The following JADE3 variants were observed in gnomAD, a reference collection of about 807,000 sequenced individuals.
The protein encoded by JADE3 is jade family PHD finger 3.
A neutral mutation model predicts 50.1 loss-of-function variants in JADE3; 2 were observed. The observed-to-expected ratio is 0.04, with a 90% CI of 0.02 to 0.13. The LOEUF is 0.13. JADE3 is among the 10% of genes least tolerant of loss of function. JADE3 has a pLI of 1.00. For synonymous variants in JADE3, 218 were observed against 232.9 expected (o/e 0.94, Z 0.58); for missense variants, 475 against 634.4 (o/e 0.75, Z 2.70).
intron 4 of JADE3, among the ~76,000 whole-genome samples, chrX:47,002,999 T>C (rs982955936): frequency 8.9e-6 from 1 of 111,919 alleles, no homozygotes; most frequent in Non-Finnish European, 1.9e-5. Context: ...GTGGTAGTTT[T>C]TTTCATAAAT....
In JADE3 at chrX:46,912,633, G is replaced by C. The variant is rs1925986359; in HGVS notation, c.-98G>C. ...GAGAAGAAAGCGAGCGGTTAGGGGG[G>C]CGGTTACCACTCCGACCGGACTCAC... On this transcript the variant is annotated 5_prime_UTR_variant, in exon 1 of 11. Coordinates refer to ENST00000614628, the MANE Select transcript of JADE3 (RefSeq NM_014735.5). The C allele has an allele frequency of 9.1e-6, 1 of 110,258 alleles. No individual in the cohort carries two copies. The highest frequency in any genetic ancestry group is 3.7e-4 in the South Asian group (1 of 2,710). 9.1% of individuals were successfully genotyped at this position (110,258 alleles called of 1,213,427 possible). A position where few individuals can be genotyped will look rare whatever the true frequency, so the allele number is the denominator to read the frequency against.
At chrX:46,999,764 C>A (rs188916643) in intron 4 of JADE3, among the ~76,000 whole-genome samples, 2 of 110,217 alleles carry the variant, frequency 1.8e-5, no homozygotes, top group South Asian at 7.6e-4. Context: ...TAAAGAGTAG[C>A]GACTGGTTTT....
intron 1 of JADE3, among the ~76,000 whole-genome samples, chrX:46,920,839 A>G (rs1280176530): frequency 8.9e-6 from 1 of 112,357 alleles, no homozygotes; most frequent in African/African-American, 3.2e-5. Context: ...TTTCTCCATT[A>G]ACACACAGTC....
At chrX:47,031,569 G>A (rs955946063) in intron 6 of JADE3, among the ~76,000 whole-genome samples, 2 of 111,726 alleles carry the variant, frequency 1.8e-5, no homozygotes, top group South Asian at 3.8e-4. Flanking sequence ...AACAGCAAAT[G>A]TAGAGAAAAA....
In JADE3 at chrX:47,027,941, G is replaced by A; in HGVS notation, c.525G>A (p.Leu175=). Residue 175 remains leucine, a synonymous_variant, in exon 6 of 11, where the codon CTG becomes CTA. Coordinates refer to ENST00000614628, the MANE Select transcript of JADE3 (RefSeq NM_014735.5). ...TTATGGAAAAGACAGTAGAAGTCCT[G>A]GAACGCCATTGCCATGAAAATATGA... is the stretch of plus-strand genomic sequence containing the variant. ...ENLMEKTVEV[L]ERHCHENMNH... is the part of the protein sequence containing the mutation. 8.3e-7 allele frequency: 1 copy of A among 1,210,665 alleles called. No individual in the cohort carries two copies. Among genetic ancestry groups the A allele is most frequent in the Non-Finnish European group, 1.1e-6 (1 of 894,754 alleles).
rs1556374629 is a variant in JADE3 at position 47,059,664 on chromosome X, T to C, written c.*587T>C. ...ACTGAGTCAATACTCCTCATGCTTATCAGTGTCCAGTGCCTGTTCCTAAAC... is the reference window on the plus strand; with the variant it reads ...ACTGAGTCAATACTCCTCATGCTTACCAGTGTCCAGTGCCTGTTCCTAAAC... On this transcript the variant is annotated 3_prime_UTR_variant, in exon 11 of 11. Coordinates refer to ENST00000614628, the MANE Select transcript of JADE3 (RefSeq NM_014735.5). 1.8e-5 allele frequency: 2 copies of C among 112,370 alleles called. No homozygotes were observed. Among genetic ancestry groups the C allele is most frequent in the Non-Finnish European group, 3.8e-5 (2 of 53,332 alleles). 9.3% of individuals were successfully genotyped at this position (112,370 alleles called of 1,213,427 possible). A position where few individuals can be genotyped will look rare whatever the true frequency, so the allele number is the denominator to read the frequency against.
chrX:47,025,967 A>G (rs1928900110), intron 5 of JADE3, among the ~76,000 whole-genome samples: 1 of 110,967 alleles, frequency 9.0e-6, no homozygotes, highest in Non-Finnish European at 1.9e-5. Flanking sequence ...TTGGCATGGG[A>G]ATGATAGTTA....
At chrX:47,031,363 A>AGTC (rs2146978760) in intron 6 of JADE3, among the ~76,000 whole-genome samples, 1 of 111,525 alleles carries the variant, frequency 9.0e-6, no homozygotes, top group Non-Finnish European at 1.9e-5. Context: ...GCCTACCTAG[A>AGTC]GTCCAGCTTC....
At chrX:46,982,938 C>T (rs1723288901) in intron 1 of JADE3, among the ~76,000 whole-genome samples, 2 of 111,658 alleles carry the variant, frequency 1.8e-5, no homozygotes, top group Non-Finnish European at 3.8e-5. Flanking sequence ...AAGCAGTTCT[C>T]CTGACTCAGC....
Position 47,056,135 on chromosome X carries a change from C to A in JADE3, c.1497C>A (p.His499Gln). The A allele has an allele frequency of 8.3e-7, 1 of 1,208,022 alleles. No homozygotes were observed. The highest frequency in any genetic ancestry group is 1.1e-6 in the Non-Finnish European group (1 of 892,567). ...ISRREKLKLS[H>Q]NKIQEQIFGL... The stretch of plus-strand genomic sequence containing the variant: ...GACGAGAGAAGCTGAAGCTGTCACA[C>A]AACAAAATACAGGAACAGATCTTCG... Residue 499 changes from histidine to glutamine, a missense_variant, in exon 10 of 11, where the codon CAC becomes CAA. His to Gln is a conservative substitution (Grantham distance 24, BLOSUM62 0). This residue lies in a region of JADE3 where 243 missense variants were observed against 238.2 expected (regional missense o/e 1.02). Coordinates refer to ENST00000614628, the MANE Select transcript of JADE3 (RefSeq NM_014735.5).
intron 10 of JADE3, among the ~76,000 whole-genome samples, chrX:47,057,010 TG>T (rs1184045109): frequency 1.8e-5 from 2 of 111,572 alleles, no homozygotes; most frequent in African/African-American, 6.5e-5. Context: ...CTGAGTGTCA[TG>T]GGTCTCAACA....
chrX:46,990,605 GGA>G (rs1927965471), intron 3 of JADE3, among the ~76,000 whole-genome samples: 1 of 111,200 alleles, frequency 9.0e-6, no homozygotes, highest in Non-Finnish European at 1.9e-5. Flanking sequence ...ATTATTGCTG[GGA>G]GAGAGTGAAC....
At position 47,027,945 on chromosome X, in the gene JADE3, C is replaced by T. The variant is rs782319021; in HGVS notation, c.529C>T (p.Arg177Cys). 8.3e-7 allele frequency: 1 copy of T among 1,208,098 alleles called. No individual in the cohort carries two copies. The highest frequency in any genetic ancestry group is 1.1e-6 in the Non-Finnish European group (1 of 894,085). ...LMEKTVEVLERHCHENMNHAI... is the reference protein window; with the variant it reads ...LMEKTVEVLECHCHENMNHAI... ...GGAAAAGACAGTAGAAGTCCTGGAA[C>T]GCCATTGCCATGAAAATATGAACCA... Residue 177 changes from arginine to cysteine, a missense_variant, in exon 6 of 11, where the codon CGC becomes TGC. Transcript: ENST00000614628.
At chrX:47,034,579 C>A (rs11797046) in intron 7 of JADE3, among the ~76,000 whole-genome samples, 26,505 of 109,438 alleles carry the variant, frequency 0.24, 3,053 homozygotes, top group Middle Eastern at 0.39. Context: ...GTGATGATGC[C>A]CTTTACTTTT....
intron 3 of JADE3, among the ~76,000 whole-genome samples, chrX:46,991,937 T>A (rs1304728356): frequency 2.7e-5 from 3 of 111,044 alleles, no homozygotes; most frequent in African/African-American, 9.8e-5. Context: ...GGGTGCATAG[T>A]GGTCCTGTTT....
intron 1 of JADE3, among the ~76,000 whole-genome samples, chrX:46,936,917 G>A (rs1000787554): frequency 1.8e-5 from 2 of 111,440 alleles, no homozygotes; most frequent in South Asian, 3.7e-4. Flanking sequence ...TGGCTTCATC[G>A]ATTTTTCTCT....
In JADE3 at chrX:47,058,158, T is replaced by C; in HGVS notation, c.1562-9T>C. On this transcript the variant is annotated splice_polypyrimidine_tract_variant and intron_variant, in intron 10 of 10. Coordinates refer to ENST00000614628, the MANE Select transcript of JADE3 (RefSeq NM_014735.5). ...GGTTGTTAAAACGAATCTTTCTTTTTTATCTCAGGGCTTCCTTTGACAAAT... is the reference window on the plus strand; with the variant it reads ...GGTTGTTAAAACGAATCTTTCTTTTCTATCTCAGGGCTTCCTTTGACAAAT... 8.4e-7 allele frequency: 1 copy of C among 1,189,878 alleles called. No individual in the cohort carries two copies. Among genetic ancestry groups the C allele is most frequent in the Non-Finnish European group, 1.1e-6 (1 of 884,086 alleles).
chrX:46,980,482 T>G (rs1453501458), intron 1 of JADE3, among the ~76,000 whole-genome samples: 1 of 110,520 alleles, frequency 9.0e-6, no homozygotes, highest in African/African-American at 3.3e-5. Context: ...TAACAGGGGC[T>G]TTCTCAGAGC....
In JADE3 at chrX:47,054,473, A is replaced by G. The variant is rs1556372963; in HGVS notation, c.1288A>G (p.Ile430Val). 8.3e-7 allele frequency: 1 copy of G among 1,210,921 alleles called. No homozygotes were observed. The stretch of plus-strand genomic sequence containing the variant: ...TATGCCCACGCTAGCTGTGGACTTT[A>G]TCTATAACTACTGGAAACTGAAGCG... Reference protein sequence around the residue: ...LGMPTLAVDFIYNYWKLKRKS... With the variant: ...LGMPTLAVDFVYNYWKLKRKS... Residue 430 changes from isoleucine to valine, a missense_variant, in exon 9 of 11, where the codon ATC (isoleucine) becomes GTC (valine). By Grantham distance (29) the Ile-to-Val change is conservative. Coordinates refer to ENST00000614628, the MANE Select transcript of JADE3 (RefSeq NM_014735.5).
Sources: allele counts gnomAD v4.1 joint callset (sites outside exome capture counted in the v4.1 genomes callset), GRCh38; gene constraint gnomAD v4.1.1; regional missense constraint gnomAD v4.1.1; transcripts MANE v1.5; gene names NCBI Gene and HGNC (gene_info 2026-07-23, HGNC 2026-07-21).